The following STARD9 variants were observed in gnomAD, a reference collection of about 807,000 sequenced individuals.
STARD9 encodes StAR related lipid transfer domain containing 9, also known as stAR-related lipid transfer protein 9.
Under a neutral mutation model 399.8 loss-of-function variants are expected in STARD9, and 346 were observed. That is an observed-to-expected ratio of 0.87 (90% CI 0.79 to 0.95). STARD9 has a LOEUF of 0.95. Among genes scored for constraint, STARD9 ranks in the 40% least tolerant of loss-of-function variants. The pLI is 0.00. For synonymous variants in STARD9, 2,203 were observed against 2,143.5 expected (o/e 1.03, Z -0.77); for missense variants, 5,832 against 5,667.5 (o/e 1.03, Z -0.93).
At chr15:42,705,381 T>A (rs1230034222) in intron 26 of STARD9, among the ~76,000 whole-genome samples, 1 of 152,202 alleles carries the variant, frequency 6.6e-6, no homozygotes, top group Non-Finnish European at 1.5e-5. Context: ...TGGGGAACTA[T>A]CACTGACGGG....
chr15:42,690,563 C>T lies in STARD9; in HGVS notation c.8985C>T (p.His2995=). The T allele has an allele frequency of 6.5e-7, 1 of 1,537,152 alleles. No individual in the cohort carries two copies. The highest frequency in any genetic ancestry group is 8.7e-7 in the Non-Finnish European group (1 of 1,146,864). ...EPFKAAPHTI[H]PPCVVPSRAY... is the part of the protein sequence containing the mutation. Reference sequence around the variant, plus strand: ...TCAAGGCTGCCCCACATACTATCCACCCACCCTGTGTAGTACCTTCCAGGG... The same window carrying T: ...TCAAGGCTGCCCCACATACTATCCATCCACCCTGTGTAGTACCTTCCAGGG... Residue 2995 remains histidine (H), a synonymous_variant, in exon 23 of 33, where the codon CAC becomes CAT. Transcript: ENST00000290607.
intron 26 of STARD9, among the ~76,000 whole-genome samples, chr15:42,702,349 G>A (rs533443278): frequency 1.9e-3 from 286 of 152,014 alleles, no homozygotes; most frequent in African/African-American, 6.2e-3. Context: ...GATTACAGGC[G>A]CGCACCACCA....
At chr15:42,626,873 G>T (rs1027529634) in intron 3 of STARD9, among the ~76,000 whole-genome samples, 1 of 150,444 alleles carries the variant, frequency 6.6e-6, no homozygotes, top group Non-Finnish European at 1.5e-5. Context: ...TCAAGACAGC[G>T]TCTCTCTCTG....
chr15:42,655,317 A>G (rs2059845106), intron 9 of STARD9, among the ~76,000 whole-genome samples: 1 of 152,162 alleles, frequency 6.6e-6, no homozygotes, highest in Non-Finnish European at 1.5e-5. Context: ...GATGCATTAC[A>G]TTACCCAACT....
intron 20 of STARD9, among the ~76,000 whole-genome samples, chr15:42,677,867 C>G (rs944259444): frequency 3.9e-5 from 6 of 152,216 alleles, no homozygotes; most frequent in Non-Finnish European, 8.8e-5. Flanking sequence ...GTCCTCCTGT[C>G]TCAACCCAGC....
rs1001031349 is a variant in STARD9, at chr15:42,684,477, A to T, written c.2899A>T (p.Ile967Phe). Residue 967 changes from isoleucine (I) to phenylalanine (F), a missense_variant, in exon 23 of 33, where the codon ATC becomes TTC. Physicochemically the swap from Ile to Phe is conservative, Grantham distance 21. Around this residue, in one of 2 missense-constraint regions of STARD9, gnomAD observed 5,828 missense variants for 5,651.1 expected, o/e 1.03. Coordinates refer to ENST00000290607, the MANE Select transcript of STARD9 (RefSeq NM_020759.3). Reference sequence around the variant, plus strand: ...ACTAAAGCCAAGGCATGAGCCAAAGATCTTCACCTCTACTACCCAGACCAG... The same window carrying T: ...ACTAAAGCCAAGGCATGAGCCAAAGTTCTTCACCTCTACTACCCAGACCAG... The part of the protein sequence containing the change: ...NKLKPRHEPK[I>F]FTSTTQTRGA... The T allele has an allele frequency of 1.3e-6, 2 of 1,537,090 alleles. No individual in the cohort carries two copies. The highest frequency in any genetic ancestry group is 1.7e-6 in the Non-Finnish European group (2 of 1,146,918).
At chr15:42,678,335 C>T (rs899055437) in intron 20 of STARD9, among the ~76,000 whole-genome samples, 3 of 152,212 alleles carry the variant, frequency 2.0e-5, no homozygotes, top group African/African-American at 7.2e-5. Flanking sequence ...GGTTTCCTTT[C>T]CCTCATTTAT....
intron 1 of STARD9, among the ~76,000 whole-genome samples, chr15:42,576,675 TA>T (rs1017310817): frequency 6.6e-6 from 1 of 152,158 alleles, no homozygotes; most frequent in African/African-American, 2.4e-5. Flanking sequence ...TTGGCAAGTT[TA>T]AAAATCTCTG....
chr15:42,691,266 G>GTGAATCCCC lies in STARD9; in HGVS notation c.9690_9698dup (p.Asn3231_Leu3233dup). The GTGAATCCCC allele has an allele frequency of 9.1e-6, 14 of 1,537,272 alleles. No homozygotes were observed. The highest frequency in any genetic ancestry group is 9.6e-6 in the Non-Finnish European group (11 of 1,146,906). Reference sequence around the variant, plus strand: ...TGGTGGAGAAGGCTTCGCCCAGGGTGTGAATCCCCTTCCTGATGAAGATGG... The same window carrying GTGAATCCCC: ...TGGTGGAGAAGGCTTCGCCCAGGGTGTGAATCCCCTGAATCCCCTTCCTGATGAAGATGG... On this transcript the variant is annotated inframe_insertion, in exon 23 of 33. Transcript: ENST00000290607.
chr15:42,703,763 A>C (rs903638474), intron 26 of STARD9, among the ~76,000 whole-genome samples: 2 of 151,732 alleles, frequency 1.3e-5, no homozygotes, highest in African/African-American at 4.8e-5. Flanking sequence ...TGTATTTTCA[A>C]ATATCCTGTC....
chr15:42,651,505 G>A (rs1195154432), intron 8 of STARD9, among the ~76,000 whole-genome samples: 1 of 152,094 alleles, frequency 6.6e-6, no homozygotes, highest in African/African-American at 2.4e-5. Context: ...TCAAAAGACT[G>A]TTTTGAATCT....
At chr15:42,627,227 T>G (rs1218706677) in intron 3 of STARD9, among the ~76,000 whole-genome samples, 1 of 152,116 alleles carries the variant, frequency 6.6e-6, no homozygotes, top group African/African-American at 2.4e-5. Flanking sequence ...GCCTGGGAAG[T>G]TGAGGCTGCA....
At chr15:42,683,151 A>T (rs2140215086) in intron 22 of STARD9, among the ~76,000 whole-genome samples, 1 of 152,318 alleles carries the variant, frequency 6.6e-6, no homozygotes, top group South Asian at 2.1e-4. Context: ...TTTGTGTCTT[A>T]TACCTCTTTG....
chr15:42,613,377 C>G (rs1370264781), intron 3 of STARD9, among the ~76,000 whole-genome samples: 1 of 151,906 alleles, frequency 6.6e-6, no homozygotes, highest in Non-Finnish European at 1.5e-5. Context: ...GATCTGATAC[C>G]AGAGAGACCC....
chr15:42,701,497 A>G (rs2060962956), intron 26 of STARD9, among the ~76,000 whole-genome samples: 1 of 151,946 alleles, frequency 6.6e-6, no homozygotes, highest in Non-Finnish European at 1.5e-5. Context: ...ATTTTTTTGT[A>G]GCTATTGTAA....
At position 42,706,519 on chromosome 15, in the gene STARD9, C is replaced by T. The variant is rs183600272; in HGVS notation, c.13285-10158C>T. 5.6e-3 allele frequency among the ~76,000 whole-genome samples: 850 copies of T among 151,122 alleles called. 10 individuals are homozygous for T. The highest frequency in any genetic ancestry group is 0.019 in the African/African-American group (795 of 41,148). On this transcript the variant is annotated intron_variant, in intron 26 of 32. Coordinates refer to ENST00000290607, the MANE Select transcript of STARD9 (RefSeq NM_020759.3). ...AGGCTGGAGTGCAGTGGCATGATCTCGGCTCACTGCAACCTTCGCCTCAAT... is the reference window on the plus strand; with the variant it reads ...AGGCTGGAGTGCAGTGGCATGATCTTGGCTCACTGCAACCTTCGCCTCAAT...
chr15:42,610,375 C>T (rs921080387), intron 3 of STARD9, among the ~76,000 whole-genome samples: 1 of 152,130 alleles, frequency 6.6e-6, no homozygotes, highest in Admixed American at 6.5e-5. Flanking sequence ...CTTTCGGCAG[C>T]ATGATCAGCA....
At chr15:42,674,512 G>C (rs1042265479) in intron 17 of STARD9, 21 bp downstream of exon 17, 2 of 1,535,378 alleles carry the variant, frequency 1.3e-6, no homozygotes, top group South Asian at 1.2e-5. Context: ...GAGTATATGA[G>C]TCCAGCATTT....
In STARD9 at chr15:42,617,934, A is replaced by G. The variant is rs541374948; in HGVS notation, c.235-16922A>G. On this transcript the variant is annotated intron_variant, in intron 3 of 32. Transcript: ENST00000290607. Reference sequence around the variant, plus strand: ...ACTATGACACTCTGCTAATTTTTTTATTTTTTGTACATACGGGGTCCCACT... The same window carrying G: ...ACTATGACACTCTGCTAATTTTTTTGTTTTTTGTACATACGGGGTCCCACT... Among the ~76,000 whole-genome samples the G allele has an allele frequency of 3.3e-5, 5 of 151,646 alleles. No individual in the cohort carries two copies. In the East Asian group the frequency reaches 9.7e-4, roughly 30 times the overall value.
Sources: gnomAD v4.1 joint callset for allele counts (sites outside exome capture counted in the v4.1 genomes callset) on GRCh38, gnomAD v4.1.1 for gene constraint, gnomAD v4.1.1 regional missense constraint, MANE v1.5 for transcripts, NCBI Gene and HGNC (gene_info 2026-07-23, HGNC 2026-07-21) for gene names.